Variants in RNF180 observed in about 807,000 individuals in gnomAD.
RNF180 encodes the protein ring finger protein 180, also known as E3 ubiquitin-protein ligase RNF180.
RNF180 carries 38 observed loss-of-function variants against 59.2 expected under a neutral mutation model. That is an observed-to-expected ratio of 0.64 (90% CI 0.50 to 0.84). RNF180 has a LOEUF of 0.84. Among genes scored for constraint, RNF180 ranks in the 40% least tolerant of loss-of-function variants. The probability of loss-of-function intolerance (pLI) is 0.00; values close to 1 mark genes in which losing one functional copy is unlikely to be tolerated. For missense variants in RNF180, 705 were observed against 700.9 expected (o/e 1.01, Z -0.07); for synonymous variants, 262 against 240.3 (o/e 1.09, Z -0.84).
intron 2 of RNF180, among the ~76,000 whole-genome samples, chr5:64,203,735 A>C (rs1011000476): frequency 2.0e-5 from 3 of 152,160 alleles, no homozygotes; most frequent in Non-Finnish European, 4.4e-5. Context: ...AGAAGGAGTA[A>C]TATGAAGCAG....
At position 64,275,908 on chromosome 5, in the gene RNF180, T is replaced by C. The variant is rs183405664; in HGVS notation, c.1228-49278T>C. ...AAATTCTGAGACCTTGCTTTCTCTT[T>C]AGAGTGTATTCTGGAAGTGGGATGA... On this transcript the variant is annotated intron_variant, in intron 5 of 7. Transcript: ENST00000389100. 1.5e-4 allele frequency among the ~76,000 whole-genome samples: 23 copies of C among 152,192 alleles called. No homozygotes were observed. In the East Asian group the frequency reaches 4.4e-3, roughly 29 times the overall value.
intron 5 of RNF180, among the ~76,000 whole-genome samples, chr5:64,274,076 T>A (rs1322265165): frequency 2.0e-5 from 3 of 152,012 alleles, no homozygotes; most frequent in South Asian, 2.1e-4. Context: ...GATGATTTTT[T>A]AAAAATTATT....
At chr5:64,360,626 C>G (rs1746218527) in intron 7 of RNF180, among the ~76,000 whole-genome samples, 3 of 151,700 alleles carry the variant, frequency 2.0e-5, no homozygotes, top group Non-Finnish European at 4.4e-5. Flanking sequence ...TATTTTTATG[C>G]AAACTGTTTA....
At chr5:64,229,283 G>T (rs1446937888) in intron 5 of RNF180, among the ~76,000 whole-genome samples, 1 of 152,084 alleles carries the variant, frequency 6.6e-6, no homozygotes, top group African/African-American at 2.4e-5. Flanking sequence ...ATGCTATTTA[G>T]CTCTTAAATT....
At chr5:64,286,913 A>G (rs1434242462) in intron 5 of RNF180, among the ~76,000 whole-genome samples, 1 of 152,186 alleles carries the variant, frequency 6.6e-6, no homozygotes, top group African/African-American at 2.4e-5. Flanking sequence ...GGAAGGGGAA[A>G]TTAGGGCAAG....
intron 5 of RNF180, chr5:64,217,635 A>G: frequency 5.8e-6 from 3 of 513,792 alleles, no homozygotes; most frequent in Non-Finnish European, 8.5e-6. Context: ...ACATTTGTAT[A>G]TATTCTTTAG....
chr5:64,278,434 A>G (rs1420076867), intron 5 of RNF180, among the ~76,000 whole-genome samples: 1 of 152,200 alleles, frequency 6.6e-6, no homozygotes, highest in African/African-American at 2.4e-5. Flanking sequence ...TAGAGAGCCT[A>G]AGTTGTACAA....
intron 6 of RNF180, among the ~76,000 whole-genome samples, chr5:64,326,630 G>GA (rs1273676328): frequency 6.6e-6 from 1 of 152,148 alleles, no homozygotes; most frequent in Non-Finnish European, 1.5e-5. Flanking sequence ...ATATTTCCGT[G>GA]AATTTATCGA....
intron 1 of RNF180, among the ~76,000 whole-genome samples, chr5:64,182,300 A>G: frequency 6.6e-6 from 1 of 152,162 alleles, no homozygotes; most frequent in East Asian, 1.9e-4. Flanking sequence ...TTCACAAAAA[A>G]TTTATTTTAA....
rs551468231 is a variant in RNF180 at position 64,180,777 on chromosome 5, G to A, written c.-1+14824G>A. Among the ~76,000 whole-genome samples the A allele has an allele frequency of 3.3e-5, 5 of 152,078 alleles. No homozygotes were observed. In the South Asian group the frequency reaches 1.0e-3, roughly 32 times the overall value. On this transcript the variant is annotated intron_variant, in intron 1 of 7. Transcript: ENST00000389100. ...GCAAAATGGAAAGACATCCCTTTTC[G>A]CCTCTCAGATTCTCAGATACTACTC...
At chr5:64,170,879 A>G (rs1039570047) in intron 1 of RNF180, among the ~76,000 whole-genome samples, 3 of 152,156 alleles carry the variant, frequency 2.0e-5, no homozygotes, top group African/African-American at 4.8e-5. Flanking sequence ...CTTTGAAGAC[A>G]TTTCGAGAAC....
rs1056019050 is a variant in RNF180, at chr5:64,177,330, C to G, written c.-1+11377C>G. 3.3e-5 allele frequency among the ~76,000 whole-genome samples: 5 copies of G among 151,758 alleles called. No individual in the cohort carries two copies. In the East Asian group the frequency reaches 7.8e-4, roughly 24 times the overall value. On this transcript the variant is annotated intron_variant, in intron 1 of 7. Coordinates refer to ENST00000389100, the MANE Select transcript of RNF180 (RefSeq NM_001113561.2). ...TACTTGGCTGATGCTATTTAAATCC[C>G]CTCTATACTTTAAGACCCAACTGGA...
At chr5:64,253,999 C>T (rs966677150) in intron 5 of RNF180, among the ~76,000 whole-genome samples, 1 of 152,112 alleles carries the variant, frequency 6.6e-6, no homozygotes, top group Non-Finnish European at 1.5e-5. Flanking sequence ...GGTGGACCCT[C>T]TCTTCTCTAA....
At chr5:64,360,528 A>T (rs1025683560) in intron 7 of RNF180, among the ~76,000 whole-genome samples, 1 of 151,896 alleles carries the variant, frequency 6.6e-6, no homozygotes, top group Non-Finnish European at 1.5e-5. Flanking sequence ...CACCACTCCT[A>T]TTCAACATAG....
chr5:64,318,852 C>T (rs1744197664), intron 5 of RNF180, among the ~76,000 whole-genome samples: 1 of 151,874 alleles, frequency 6.6e-6, no homozygotes, highest in Non-Finnish European at 1.5e-5. Context: ...CAAGAAAAAA[C>T]AAACTGATAT....
intron 5 of RNF180, among the ~76,000 whole-genome samples, chr5:64,278,241 C>T (rs1360512876): frequency 6.6e-6 from 1 of 152,090 alleles, no homozygotes; most frequent in Non-Finnish European, 1.5e-5. Context: ...ATCTCATCCA[C>T]CGGTTAGTAA....
chr5:64,298,580 A>G (rs866824095), intron 5 of RNF180, among the ~76,000 whole-genome samples: 2 of 152,068 alleles, frequency 1.3e-5, no homozygotes, highest in African/African-American at 4.8e-5. Context: ...GCATACTACA[A>G]TGGACTGAAT....
At chr5:64,201,171 T>C (rs564326910) in intron 2 of RNF180, among the ~76,000 whole-genome samples, 73 of 152,346 alleles carry the variant, frequency 4.8e-4, no homozygotes, top group African/African-American at 1.7e-3. Context: ...TAATTACGAA[T>C]GTTAATATGA....
At chr5:64,291,029 G>A (rs1742554950) in intron 5 of RNF180, among the ~76,000 whole-genome samples, 1 of 152,130 alleles carries the variant, frequency 6.6e-6, no homozygotes, top group Non-Finnish European at 1.5e-5. Context: ...CAGGCCTGGT[G>A]GTGACAAATT....
Sources: allele counts gnomAD v4.1 joint callset (sites outside exome capture counted in the v4.1 genomes callset), GRCh38; gene constraint gnomAD v4.1.1; transcripts MANE v1.5; gene names NCBI Gene and HGNC (gene_info 2026-07-23, HGNC 2026-07-21).